RFC1: variants seen among roughly 807,000 people sequenced by gnomAD.
RFC1 encodes the protein A1 140 kDa subunit.
RFC1 carries 37 observed loss-of-function variants against 137.4 expected under a neutral mutation model. That is an observed-to-expected ratio of 0.27 (90% CI 0.21 to 0.35). The LOEUF is 0.35. Ranked by LOEUF, RFC1 falls within the 10% of genes least tolerant of loss-of-function variation. The pLI is 1.00. For synonymous variants in RFC1, 429 were observed against 455.7 expected, an observed-to-expected ratio of 0.94 and a Z score of 0.75; for missense variants, 1,205 against 1,358.5, an observed-to-expected ratio of 0.89 and a Z score of 1.78.
Position 39,337,435 on chromosome 4 carries a change from A to AGATGCTACTCAAATAAGT in RFC1, c.331+4909_331+4910insACTTATTTGAGTAGCATC, listed in dbSNP as rs1553925751. ...TTTACAATAAGATGCTACTCAAATA[A>AGATGCTACTCAAATAAGT]GTGTGTGTGTGTGTGTGTGTGTGTG... On this transcript the variant is annotated intron_variant, in intron 4 of 24. Transcript: ENST00000349703. Among the ~76,000 whole-genome samples the AGATGCTACTCAAATAAGT allele has an allele frequency of 1.3e-4, 18 of 143,698 alleles. No homozygotes were observed. The East Asian group carries it at 3.5e-3, about 28-fold the overall frequency. The allele number at this position is 143,698 out of a possible 152,430, so 94.3% of individuals were successfully genotyped here. A position where few individuals can be genotyped will look rare whatever the true frequency, so the allele number is the denominator to read the frequency against.
chr4:39,289,989 T>A lies in RFC1; in HGVS notation c.3219A>T (p.Pro1073=), dbSNP rs373062092. The A allele has an allele frequency of 1.9e-6, 3 of 1,613,722 alleles. No homozygotes were observed. The highest frequency in any genetic ancestry group is 1.3e-5 in the African/African-American group (1 of 74,896). Residue 1073 remains proline (P), a synonymous_variant, in exon 24 of 25, where the codon CCA becomes CCT. Transcript: ENST00000349703. ...ATGCCTTTATAGCTTGAAGTGAGTA[T>A]GGAGTAAGGTGGGCTTCCTTATTGT... The part of the protein sequence containing the change: ...RAYNKEAHLT[P]YSLQAIKASR...
chr4:39,302,662 T>G (rs979948230), intron 17 of RFC1, 67 bp from the exon 18 acceptor site: 87 of 1,496,976 alleles, frequency 5.8e-5, no homozygotes, highest in Non-Finnish European at 6.8e-5. Context: ...TTAAAAATAT[T>G]TATCAGGTAC....
rs139514757 is a variant in RFC1, at chr4:39,327,710, T to C, written c.378A>G (p.Lys126=). The C allele has an allele frequency of 1.2e-6, 2 of 1,612,452 alleles. No homozygotes were observed. Among genetic ancestry groups the C allele is most frequent in the African/African-American group, 2.7e-5 (2 of 75,002 alleles). Residue 126 remains lysine, a synonymous_variant, in exon 5 of 25, where the codon AAA becomes AAG. Transcript: ENST00000349703. The part of the protein sequence containing the change: ...FMCKKAASKS[K]ENGRSTNSHL... ...GACTATTTGTAGATCTTCCATTCTC[T>C]TTTGATTTAGAGGCCGCCTTCTTAC... is the stretch of plus-strand genomic sequence containing the variant.
chr4:39,315,366 C>CA (rs1739187637), intron 10 of RFC1, among the ~76,000 whole-genome samples: 1 of 152,246 alleles, frequency 6.6e-6, no homozygotes, highest in African/African-American at 2.4e-5. Context: ...TGCTACTTCT[C>CA]AGTTTCCTTT....
intron 3 of RFC1, among the ~76,000 whole-genome samples, chr4:39,343,143 C>T (rs1740687560): frequency 6.6e-6 from 1 of 152,202 alleles, no homozygotes; most frequent in African/African-American, 2.4e-5. Flanking sequence ...CTGCCTCAGA[C>T]TCCTGAGTAG....
chr4:39,338,860 G>A (rs1740481412), intron 4 of RFC1, among the ~76,000 whole-genome samples: 1 of 151,954 alleles, frequency 6.6e-6, no homozygotes, highest in Non-Finnish European at 1.5e-5. Flanking sequence ...TAGATCTCTG[G>A]ACTTGTTCAT....
intron 4 of RFC1, among the ~76,000 whole-genome samples, chr4:39,332,745 T>G (rs1383902955): frequency 1.3e-5 from 2 of 152,230 alleles, no homozygotes; most frequent in African/African-American, 4.8e-5. Flanking sequence ...CTGCCCTTAT[T>G]TCTTCCTTAC....
At chr4:39,316,678 A>G (rs968866316) in intron 10 of RFC1, among the ~76,000 whole-genome samples, 2 of 152,240 alleles carry the variant, frequency 1.3e-5, no homozygotes, top group Non-Finnish European at 2.9e-5. Context: ...TCACTGGTAT[A>G]GTCTCAAAGC....
intron 9 of RFC1, 96 bp downstream of exon 9, chr4:39,320,287 T>A: frequency 1.8e-6 from 2 of 1,105,178 alleles, no homozygotes; most frequent in Non-Finnish European, 2.5e-6. Flanking sequence ...AGGCAGAGGT[T>A]GCAGTGAGCC....
chr4:39,355,143 C>T (rs938958840), intron 1 of RFC1, among the ~76,000 whole-genome samples: 10 of 114,108 alleles, frequency 8.8e-5, no homozygotes, highest in African/African-American at 3.2e-4. Flanking sequence ...ACACAACAGG[C>T]CAGGTGTGGT....
chr4:39,299,231 A>T (rs900760485), intron 21 of RFC1, among the ~76,000 whole-genome samples: 18 of 152,182 alleles, frequency 1.2e-4, no homozygotes, highest in African/African-American at 4.1e-4. Context: ...AGTTAATTTA[A>T]TATCTATAGA....
intron 4 of RFC1, among the ~76,000 whole-genome samples, chr4:39,331,147 T>A (rs1353564534): frequency 6.6e-6 from 1 of 152,168 alleles, no homozygotes; most frequent in African/African-American, 2.4e-5. Context: ...GAAACTCAAA[T>A]TTTTTTAATA....
At chr4:39,349,471 T>G (rs1447859652) in intron 2 of RFC1, among the ~76,000 whole-genome samples, 1 of 152,054 alleles carries the variant, frequency 6.6e-6, no homozygotes, top group African/African-American at 2.4e-5. Context: ...GTGCTCAATC[T>G]CTCTCTCCAC....
At chr4:39,329,325 A>G (rs994998479) in intron 4 of RFC1, among the ~76,000 whole-genome samples, 1 of 151,252 alleles carries the variant, frequency 6.6e-6, no homozygotes, top group African/African-American at 2.4e-5. Context: ...ACATAATGAG[A>G]CTCCATCTCT....
intron 14 of RFC1, among the ~76,000 whole-genome samples, chr4:39,306,066 C>T (rs1357019126): frequency 2.0e-5 from 3 of 152,196 alleles, no homozygotes; most frequent in Non-Finnish European, 2.9e-5. Context: ...CTAAGCAAGT[C>T]AAGTTCTCCC....
intron 22 of RFC1, 78 bp from the exon 23 acceptor site, chr4:39,291,930 A>C (rs1041540737): frequency 1.2e-5 from 12 of 1,012,568 alleles, no homozygotes; most frequent in Non-Finnish European, 1.9e-5. Flanking sequence ...GCACTGAGTT[A>C]ATCAGGCAGA....
In RFC1 at chr4:39,288,029, G is replaced by A. The variant is rs761587788; in HGVS notation, c.*732C>T. The stretch of plus-strand genomic sequence containing the variant: ...AGCAGAGACGTGGTCAACACACACA[G>A]AGGGAGTGAGGCTGGGAATCCGAGT... On this transcript the variant is annotated 3_prime_UTR_variant, in exon 25 of 25. Coordinates refer to ENST00000349703, the MANE Select transcript of RFC1 (RefSeq NM_002913.5). 1 of 152,228 alleles carries A rather than the reference G, an allele frequency of 6.6e-6. No individual in the cohort carries two copies. Among genetic ancestry groups the A allele is most frequent in the South Asian group, 2.1e-4 (1 of 4,826 alleles). The allele number at this position is 152,228 out of a possible 1,614,324, so 9.4% of individuals were successfully genotyped here. A position where few individuals can be genotyped will look rare whatever the true frequency, so the allele number is the denominator to read the frequency against.
At chr4:39,344,901 G>C (rs1740772171) in intron 3 of RFC1, among the ~76,000 whole-genome samples, 2 of 152,166 alleles carry the variant, frequency 1.3e-5, no homozygotes, top group Non-Finnish European at 2.9e-5. Flanking sequence ...TTTTGGTTCT[G>C]ATAAGTTCTA....
In RFC1 at chr4:39,288,507, T is replaced by C. The variant is rs1331392365; in HGVS notation, c.*254A>G. The C allele has an allele frequency of 9.3e-6, 3 of 323,198 alleles. No individual in the cohort carries two copies. Among genetic ancestry groups the C allele is most frequent in the African/African-American group, 6.4e-5 (3 of 46,682 alleles). The allele number at this position is 323,198 out of a possible 1,614,324, so 20.0% of individuals were successfully genotyped here. On this transcript the variant is annotated 3_prime_UTR_variant, in exon 25 of 25. Transcript: ENST00000349703. The stretch of plus-strand genomic sequence containing the variant: ...GTTTCTAGTTCCAATTCTACAGTCA[T>C]TCAGAAGCACGTCTAACTAGATTGA...
Sources: gnomAD v4.1 joint callset for allele counts (sites outside exome capture counted in the v4.1 genomes callset) on GRCh38, gnomAD v4.1.1 for gene constraint, MANE v1.5 for transcripts, NCBI Gene and HGNC (gene_info 2026-07-23, HGNC 2026-07-21) for gene names.